The following ITCH variants were observed in gnomAD, a reference collection of about 807,000 sequenced individuals.
ITCH encodes E3 ubiquitin-protein ligase Itchy homolog.
Under a neutral mutation model 126.8 loss-of-function variants are expected in ITCH, and 28 were observed. The observed-to-expected ratio is 0.22, with a 90% CI of 0.16 to 0.30. The LOEUF is 0.30. ITCH is among the 10% of genes least tolerant of loss of function. ITCH has a pLI of 1.00. For synonymous variants in ITCH, 342 were observed against 340.0 expected (o/e 1.01, Z -0.06); for missense variants, 631 against 1,032.4 (o/e 0.61, Z 5.33).
chr20:34,450,027 G>A (rs182982211), intron 12 of ITCH, among the ~76,000 whole-genome samples: 26 of 152,212 alleles, frequency 1.7e-4, no homozygotes, highest in Admixed American at 7.2e-4. Flanking sequence ...AGATGATTCT[G>A]TATCTTGATT....
intron 23 of ITCH, among the ~76,000 whole-genome samples, chr20:34,503,881 TTTGG>T (rs1569012876): frequency 4.3e-5 from 5 of 115,870 alleles, no homozygotes; most frequent in Middle Eastern, 4.3e-3. Flanking sequence ...TTTTTTTTTT[TTTGG>T]TTTTTTTTTT....
intron 6 of ITCH, among the ~76,000 whole-genome samples, chr20:34,416,616 G>A (rs907144836): frequency 5.3e-5 from 8 of 152,102 alleles, no homozygotes; most frequent in Non-Finnish European, 1.2e-4. Context: ...TGTACTTACA[G>A]ACACATTTTT....
chr20:34,475,596 A>G lies in ITCH; in HGVS notation c.1570-2176A>G, dbSNP rs1988127932. On this transcript the variant is annotated intron_variant, in intron 16 of 24. Transcript: ENST00000374864. ...GGCAGGGAGGTTGCAGTGAGCCGAGATGGCAGCAGTACAGTCCAGCTTCGG... is the reference window on the plus strand; with the variant it reads ...GGCAGGGAGGTTGCAGTGAGCCGAGGTGGCAGCAGTACAGTCCAGCTTCGG... 6.6e-5 allele frequency among the ~76,000 whole-genome samples: 10 copies of G among 152,142 alleles called. No individual in the cohort carries two copies. The South Asian group carries it at 2.1e-3, about 32-fold the overall frequency.
At chr20:34,486,035 A>T (rs1272621617) in intron 20 of ITCH, among the ~76,000 whole-genome samples, 10 of 151,958 alleles carry the variant, frequency 6.6e-5, no homozygotes, top group Admixed American at 6.6e-5. Context: ...TTTTTGAGAT[A>T]GAGTCTCACT....
chr20:34,384,897 C>T (rs1202836786), intron 2 of ITCH, among the ~76,000 whole-genome samples: 2 of 151,776 alleles, frequency 1.3e-5, no homozygotes, highest in South Asian at 2.1e-4. Context: ...CTCCTGACCT[C>T]GTGATCCACC....
At chr20:34,478,207 G>C in intron 17 of ITCH, among the ~76,000 whole-genome samples, 1 of 152,182 alleles carries the variant, frequency 6.6e-6, no homozygotes, top group Non-Finnish European at 1.5e-5. Flanking sequence ...CCAGTAGCCA[G>C]TGTTAAGTCT....
intron 7 of ITCH, among the ~76,000 whole-genome samples, chr20:34,425,540 T>C (rs1981394349): frequency 6.6e-6 from 1 of 152,164 alleles, no homozygotes; most frequent in Non-Finnish European, 1.5e-5. Flanking sequence ...AAGCCAACCA[T>C]TCGTTCTATT....
chr20:34,405,541 C>T (rs1459140016), intron 3 of ITCH, among the ~76,000 whole-genome samples: 2 of 152,142 alleles, frequency 1.3e-5, no homozygotes, highest in East Asian at 3.8e-4. Context: ...TAGAAAGCCC[C>T]AACAGGGGCA....
At chr20:34,441,591 A>ATTTTTTTTTTTT (rs55890829) in intron 9 of ITCH, 1 of 137,664 alleles carries the variant, frequency 7.3e-6, no homozygotes, top group Non-Finnish European at 1.5e-5. Context: ...TGCCCAGCTA[A>ATTTTTTTTTTTT]TTTTTTTTTT....
intron 22 of ITCH, among the ~76,000 whole-genome samples, chr20:34,492,091 A>G (rs1989557698): frequency 6.6e-6 from 1 of 152,208 alleles, no homozygotes; most frequent in Non-Finnish European, 1.5e-5. Context: ...GTCTCAGTCC[A>G]TCTTACTTTT....
Position 34,510,534 on chromosome 20 carries a change from T to C in ITCH, c.*2740T>C. On this transcript the variant is annotated 3_prime_UTR_variant, in exon 25 of 25. Coordinates refer to ENST00000374864, the MANE Select transcript of ITCH (RefSeq NM_031483.7). ...GCAATTGCCTTATTGTTCTGCTCTT[T>C]TGCAGGGGGTGGGGGTTGGGGAAGA... is the stretch of plus-strand genomic sequence containing the variant. 6.6e-6 allele frequency: 1 copy of C among 150,454 alleles called. No homozygotes were observed. Among genetic ancestry groups the C allele is most frequent in the Admixed American group, 6.7e-5 (1 of 14,990 alleles). 9.3% of individuals were successfully genotyped at this position (150,454 alleles called of 1,614,324 possible). A position where few individuals can be genotyped will look rare whatever the true frequency, so the allele number is the denominator to read the frequency against.
At chr20:34,404,678 G>T (rs930923132) in intron 3 of ITCH, among the ~76,000 whole-genome samples, 1 of 152,066 alleles carries the variant, frequency 6.6e-6, no homozygotes, top group Non-Finnish European at 1.5e-5. Context: ...CTTCCAAAGT[G>T]CTGGGATTAC....
Position 34,479,729 on chromosome 20 carries a change from T to C in ITCH, c.1758T>C (p.Ala586=), listed in dbSNP as rs754486366. ...ACTACTGCTTGCAGATAAACCCCGC[T>C]TCTTACATCAATCCAGATCACCTGA... The part of the protein sequence containing the change: ...KDNYCLQINP[A]SYINPDHLKY... Residue 586 remains alanine, a synonymous_variant, in exon 18 of 25, where the codon GCT becomes GCC. Coordinates refer to ENST00000374864, the MANE Select transcript of ITCH (RefSeq NM_031483.7). 1.4e-5 allele frequency: 23 copies of C among 1,614,152 alleles called. No individual in the cohort carries two copies. The highest frequency in any genetic ancestry group is 1.9e-5 in the Non-Finnish European group (23 of 1,179,988).
At chr20:34,439,551 C>T (rs887526253) in intron 8 of ITCH, among the ~76,000 whole-genome samples, 8 of 152,184 alleles carry the variant, frequency 5.3e-5, no homozygotes, top group Admixed American at 2.0e-4. Context: ...GTGGGAGTTA[C>T]GGGCGTAAGC....
chr20:34,394,209 CAAAAAAA>C (rs59876098), intron 3 of ITCH, among the ~76,000 whole-genome samples: 7 of 62,954 alleles, frequency 1.1e-4, no homozygotes, highest in Non-Finnish European at 1.9e-4. Context: ...GAGACTGTCT[CAAAAAAA>C]AAAAAAAAAA....
At chr20:34,487,995 C>T (rs892464576) in intron 20 of ITCH, among the ~76,000 whole-genome samples, 3 of 152,138 alleles carry the variant, frequency 2.0e-5, no homozygotes, top group African/African-American at 7.2e-5. Context: ...CACTCCAGCT[C>T]TTTGTGGTGT....
intron 24 of ITCH, among the ~76,000 whole-genome samples, chr20:34,504,799 C>T (rs1990516390): frequency 6.6e-6 from 1 of 152,102 alleles, no homozygotes; most frequent in Admixed American, 6.5e-5. Flanking sequence ...TGGAATTCAA[C>T]CTAATGTCAA....
chr20:34,444,170 C>T (rs918055263), intron 10 of ITCH, among the ~76,000 whole-genome samples: 4 of 152,138 alleles, frequency 2.6e-5, no homozygotes, highest in African/African-American at 9.7e-5. Flanking sequence ...AGGTAGAAAT[C>T]GTGAAGTCAT....
chr20:34,368,745 A>G (rs564614987), intron 1 of ITCH, among the ~76,000 whole-genome samples: 2 of 152,266 alleles, frequency 1.3e-5, no homozygotes, highest in South Asian at 2.1e-4. Context: ...AGAACTGACT[A>G]TATCCAGATC....
Sources: allele counts gnomAD v4.1 joint callset (sites outside exome capture counted in the v4.1 genomes callset), GRCh38; gene constraint gnomAD v4.1.1; transcripts MANE v1.5; gene names NCBI Gene and HGNC (gene_info 2026-07-23, HGNC 2026-07-21).